DTWD2: variants seen among roughly 807,000 people sequenced by gnomAD.
DTWD2 encodes tRNA-uridine aminocarboxypropyltransferase 2.
Under a neutral mutation model 31.8 loss-of-function variants are expected in DTWD2, and 39 were observed. The ratio of observed to expected loss-of-function variants is 1.22; its 90% confidence interval spans 0.95 to 1.60. The LOEUF is 1.60. Among genes scored for constraint, DTWD2 ranks in the 40% most tolerant of loss-of-function variants. DTWD2 has a pLI of 0.00. For synonymous variants in DTWD2, 180 were observed against 142.8 expected, an observed-to-expected ratio of 1.26 and a Z score of -1.86; for missense variants, 515 against 381.5, an observed-to-expected ratio of 1.35 and a Z score of -2.92.
At chr5:118,877,499 A>T (rs1048135805) in intron 4 of DTWD2, among the ~76,000 whole-genome samples, 2 of 152,000 alleles carry the variant, frequency 1.3e-5, no homozygotes, top group African/African-American at 4.8e-5. Context: ...AAAAAATAAA[A>T]AAAGCTCTCA....
At chr5:118,947,439 T>C (rs1754364138) in intron 1 of DTWD2, among the ~76,000 whole-genome samples, 1 of 152,196 alleles carries the variant, frequency 6.6e-6, no homozygotes, top group Non-Finnish European at 1.5e-5. Flanking sequence ...GGATTCCGAC[T>C]GTCCCGAGCT....
intron 1 of DTWD2, among the ~76,000 whole-genome samples, chr5:118,958,784 A>T (rs926791657): frequency 6.6e-6 from 1 of 152,236 alleles, no homozygotes; most frequent in Non-Finnish European, 1.5e-5. Context: ...CCTAGGATAC[A>T]AGAATGGTTC....
intron 1 of DTWD2, among the ~76,000 whole-genome samples, chr5:118,970,056 A>T (rs1754949427): frequency 6.6e-6 from 1 of 152,208 alleles, no homozygotes; most frequent in African/African-American, 2.4e-5. Flanking sequence ...TCAACAGCAA[A>T]ATAGACCAAG....
At chr5:118,856,908 G>A (rs10463706) in intron 4 of DTWD2, among the ~76,000 whole-genome samples, 2 of 151,108 alleles carry the variant, frequency 1.3e-5, no homozygotes, top group Non-Finnish European at 2.9e-5. Flanking sequence ...AAGTAGCTGA[G>A]ATTACAGGTA....
chr5:118,982,224 G>C (rs1379867803), intron 1 of DTWD2, among the ~76,000 whole-genome samples: 2 of 152,092 alleles, frequency 1.3e-5, no homozygotes, highest in African/African-American at 4.8e-5. Context: ...TATTAATTTT[G>C]GGAAAATGAA....
chr5:118,956,475 A>ATG (rs1754589942), intron 1 of DTWD2, among the ~76,000 whole-genome samples: 1 of 152,230 alleles, frequency 6.6e-6, no homozygotes. Context: ...TACAAAGGTA[A>ATG]TGTGTATCAC....
intron 4 of DTWD2, among the ~76,000 whole-genome samples, chr5:118,859,204 AG>A (rs978229599): frequency 1.3e-4 from 19 of 151,166 alleles, no homozygotes; most frequent in Non-Finnish European, 2.7e-4. Context: ...GAATTCTTGA[AG>A]GAAAAAAAAA....
chr5:118,916,122 G>A (rs1164878435), intron 4 of DTWD2, among the ~76,000 whole-genome samples: 1 of 152,308 alleles, frequency 6.6e-6, no homozygotes, highest in East Asian at 1.9e-4. Flanking sequence ...CTGGAAGACA[G>A]ACAACTAATA....
At chr5:118,908,249 G>A (rs560104373) in intron 4 of DTWD2, among the ~76,000 whole-genome samples, 6 of 152,104 alleles carry the variant, frequency 3.9e-5, no homozygotes, top group Admixed American at 2.6e-4. Context: ...CCTGCATAGG[G>A]ACCTCAGGAT....
chr5:118,946,318 G>A (rs1754337985), intron 1 of DTWD2, among the ~76,000 whole-genome samples: 1 of 152,098 alleles, frequency 6.6e-6, no homozygotes, highest in South Asian at 2.1e-4. Context: ...TTTTTGAGAT[G>A]GAAAGTCTTT....
rs371210403 is a variant in DTWD2, at chr5:118,897,427, A to G, written c.597+31110T>C. On this transcript the variant is annotated intron_variant, in intron 4 of 5. Coordinates refer to ENST00000510708, the MANE Select transcript of DTWD2 (RefSeq NM_173666.4). ...TATCAAAATTTCAGACTCCCAGAAGAAAACTGGTGTTCATATACATAATTC... is the reference window on the plus strand; with the variant it reads ...TATCAAAATTTCAGACTCCCAGAAGGAAACTGGTGTTCATATACATAATTC... 2.9e-4 allele frequency among the ~76,000 whole-genome samples: 44 copies of G among 152,346 alleles called. No homozygotes were observed. In the East Asian group the frequency reaches 6.4e-3, roughly 22 times the overall value.
intron 4 of DTWD2, among the ~76,000 whole-genome samples, chr5:118,862,032 G>A (rs1162085465): frequency 6.6e-6 from 1 of 152,234 alleles, no homozygotes; most frequent in Non-Finnish European, 1.5e-5. Context: ...AGTGGCAGCA[G>A]GTGGGTGAGC....
At chr5:118,910,200 T>G (rs1936549520) in intron 4 of DTWD2, among the ~76,000 whole-genome samples, 1 of 152,216 alleles carries the variant, frequency 6.6e-6, no homozygotes, top group African/African-American at 2.4e-5. Flanking sequence ...AAATTCCATC[T>G]TTAATTTGTT....
rs182551654 is a variant in DTWD2, at chr5:118,872,362, A to G, written c.598-24144T>C. Reference sequence around the variant, plus strand: ...GTACAAGAGGCCTAGTTTTCAGTCTATCTCTGCTTTTGTCATGCCTTCCTC... The same window carrying G: ...GTACAAGAGGCCTAGTTTTCAGTCTGTCTCTGCTTTTGTCATGCCTTCCTC... On this transcript the variant is annotated intron_variant, in intron 4 of 5. Transcript: ENST00000510708. 8.5e-5 allele frequency among the ~76,000 whole-genome samples: 13 copies of G among 152,298 alleles called. No homozygotes were observed. In the East Asian group the frequency reaches 2.5e-3, roughly 29 times the overall value.
intron 1 of DTWD2, among the ~76,000 whole-genome samples, chr5:118,983,371 T>C (rs888419432): frequency 5.3e-5 from 8 of 152,194 alleles, no homozygotes; most frequent in African/African-American, 9.7e-5. Flanking sequence ...ATGAAACATC[T>C]TGATTTTGAA....
chr5:118,862,000 T>A (rs1049836268), intron 4 of DTWD2, among the ~76,000 whole-genome samples: 9 of 152,144 alleles, frequency 5.9e-5, no homozygotes, highest in African/African-American at 2.2e-4. Flanking sequence ...ACCGGTACCG[T>A]TCTGTGGTCT....
intron 4 of DTWD2, among the ~76,000 whole-genome samples, chr5:118,905,655 C>T (rs1327412407): frequency 6.6e-6 from 1 of 151,934 alleles, no homozygotes; most frequent in African/African-American, 2.4e-5. Flanking sequence ...AAAGTGATCG[C>T]CCTGGTAAGA....
intron 5 of DTWD2, among the ~76,000 whole-genome samples, chr5:118,846,317 A>AT (rs1346386242): frequency 6.6e-6 from 1 of 152,118 alleles, no homozygotes; most frequent in Non-Finnish European, 1.5e-5. Context: ...CTGTAACCCT[A>AT]TTATTCTACA....
chr5:118,846,367 G>C (rs1751853155), intron 5 of DTWD2, among the ~76,000 whole-genome samples: 1 of 152,044 alleles, frequency 6.6e-6, no homozygotes, highest in Non-Finnish European at 1.5e-5. Context: ...TAACATTAAA[G>C]GTTATATTTA....
Sources: gnomAD v4.1 joint callset for allele counts (sites outside exome capture counted in the v4.1 genomes callset) on GRCh38, gnomAD v4.1.1 for gene constraint, MANE v1.5 for transcripts, NCBI Gene and HGNC (gene_info 2026-07-23, HGNC 2026-07-21) for gene names.